Variants in GPR89A observed in about 807,000 individuals in gnomAD.
GPR89A encodes the protein golgi pH regulator A, also known as G protein-coupled receptor 89A.
GPR89A carries 16 observed loss-of-function variants against 52.0 expected under a neutral mutation model. The ratio of observed to expected loss-of-function variants is 0.31; its 90% CI spans 0.21 to 0.47. The LOEUF is 0.47. Ranked by LOEUF, GPR89A falls within the 20% of genes least tolerant of loss-of-function variation. GPR89A has a pLI of 1.00. For synonymous variants in GPR89A, 55 were observed against 150.9 expected (o/e 0.36, Z 4.66); for missense variants, 135 against 449.4 (o/e 0.30, Z 6.33).
intron 1 of GPR89A, among the ~76,000 whole-genome samples, chr1:145,609,908 T>C (rs1648130748): frequency 6.6e-6 from 1 of 152,206 alleles, no homozygotes; most frequent in South Asian, 2.1e-4. Flanking sequence ...AAATGTCGCT[T>C]TAGGAAGGTC....
At chr1:145,665,428 C>A in intron 11 of GPR89A, 134 bp from the exon 12 acceptor site, 1 of 1,090,818 alleles carries the variant, frequency 9.2e-7, no homozygotes, top group Non-Finnish European at 1.4e-6. Context: ...TTTCCTCTCT[C>A]CCTTAAGAAA....
intron 10 of GPR89A, among the ~76,000 whole-genome samples, chr1:145,662,573 G>C (rs1553695746): frequency 6.6e-6 from 1 of 151,700 alleles, no homozygotes; most frequent in Non-Finnish European, 1.5e-5. Context: ...GACATGTTTA[G>C]ACCAAGGATC....
intron 10 of GPR89A, among the ~76,000 whole-genome samples, chr1:145,654,666 A>G (rs1553694223): frequency 1.3e-5 from 2 of 150,878 alleles, no homozygotes; most frequent in Non-Finnish European, 2.9e-5. Context: ...TTTGTAGGTG[A>G]CCTGTCCTTT....
chr1:145,663,274 T>TTG, intron 10 of GPR89A, 55 bp from the exon 11 acceptor site: 1 of 1,608,332 alleles, frequency 6.2e-7, no homozygotes, highest in South Asian at 1.1e-5. Flanking sequence ...AGTCACTTTT[T>TTG]GAAATAGTAA....
chr1:145,611,311 ATAAT>A (rs1160359828), intron 1 of GPR89A, among the ~76,000 whole-genome samples: 3 of 151,858 alleles, frequency 2.0e-5, no homozygotes, highest in African/African-American at 7.3e-5. Flanking sequence ...ATAGTACTCA[ATAAT>A]TAGTTTTTCA....
chr1:145,614,298 C>T (rs1274255832), intron 1 of GPR89A, among the ~76,000 whole-genome samples: 2 of 152,088 alleles, frequency 1.3e-5, no homozygotes, highest in Admixed American at 1.3e-4. Context: ...TTGGTTTGGT[C>T]TCCCTCTTTC....
intron 3 of GPR89A, among the ~76,000 whole-genome samples, chr1:145,619,725 C>A (rs1648987410): frequency 6.6e-6 from 1 of 151,490 alleles, no homozygotes; most frequent in African/African-American, 2.4e-5. Context: ...CTTTAATAAT[C>A]CAAACCTTGG....
At chr1:145,644,875 G>A (rs1650877148) in intron 8 of GPR89A, 1 of 151,240 alleles carries the variant, frequency 6.6e-6, no homozygotes, top group South Asian at 2.1e-4. Context: ...GTGCTATTAG[G>A]TCAAAACTTT....
At chr1:145,643,303 T>C (rs1650782380) in intron 7 of GPR89A, among the ~76,000 whole-genome samples, 1 of 151,028 alleles carries the variant, frequency 6.6e-6, no homozygotes, top group African/African-American at 2.4e-5. Context: ...GTAGCTGGGA[T>C]TACAGACATG....
chr1:145,669,696 T>C lies in GPR89A; in HGVS notation c.1161+6T>C. 6.2e-7 allele frequency: 1 copy of C among 1,611,538 alleles called. No individual in the cohort carries two copies. The highest frequency in any genetic ancestry group is 8.5e-7 in the Non-Finnish European group (1 of 1,179,596). ...TGCTATTAGCACAGATAATGGTAAG[T>C]TTAATTAGTTACCTTTATGTTTACA... On this transcript the variant is annotated splice_donor_region_variant and intron_variant, in intron 13 of 13. Transcript: ENST00000313835.
intron 10 of GPR89A, among the ~76,000 whole-genome samples, chr1:145,654,838 A>C (rs1336055935): frequency 7.2e-5 from 11 of 152,080 alleles, no homozygotes; most frequent in Non-Finnish European, 1.3e-4. Context: ...TCTGGCCTGT[A>C]TTGCTAGGTT....
Position 145,608,156 on chromosome 1 carries a change from G to A in GPR89A, c.23G>A (p.Ser8Asn). ...GCCATGAGTTTCCTCATCGACTCCA[G>A]CATCATGATTACCTCCCAGGTGAGT... MSFLIDSSIMITSQILFF... is the reference protein window; with the variant it reads MSFLIDSNIMITSQILFF... The change falls in exon 1 of 14, where the codon AGC becomes AAC. Residue 8 changes from serine (S) to asparagine (N), a missense_variant. Coordinates refer to ENST00000313835, the MANE Select transcript of GPR89A (RefSeq NM_001097612.2). The A allele has an allele frequency of 1.2e-6, 2 of 1,613,734 alleles. No individual in the cohort carries two copies. Among genetic ancestry groups the A allele is most frequent in the South Asian group, 2.2e-5 (2 of 91,078 alleles).
At chr1:145,632,405 T>C (rs1420738668) in intron 7 of GPR89A, among the ~76,000 whole-genome samples, 4 of 151,960 alleles carry the variant, frequency 2.6e-5, no homozygotes, top group Non-Finnish European at 4.4e-5. Context: ...TCTCCATTCC[T>C]CCCACCCATC....
rs782195163 is a variant in GPR89A, at chr1:145,670,607, G to A, written c.*567G>A. ...GAAAGAGGTTATCTGTTCTTTTCCG[G>A]GAAAGGGGTGGTATGCACCTGAAAT... On this transcript the variant is annotated 3_prime_UTR_variant, in exon 14 of 14. Coordinates refer to ENST00000313835, the MANE Select transcript of GPR89A (RefSeq NM_001097612.2). 33 of 177,756 alleles carry A rather than the reference G, an allele frequency of 1.9e-4. No individual in the cohort carries two copies. The highest frequency in any genetic ancestry group is 3.6e-4 in the Non-Finnish European group (30 of 82,778). The allele number at this position is 177,756 out of a possible 1,614,324, so 11.0% of individuals were successfully genotyped here.
chr1:145,626,472 C>G (rs1398692244), intron 5 of GPR89A, among the ~76,000 whole-genome samples: 2 of 151,960 alleles, frequency 1.3e-5, no homozygotes, highest in Admixed American at 1.3e-4. Context: ...CCATTGTACT[C>G]CAATAGGCAT....
chr1:145,669,672 G>T lies in GPR89A; in HGVS notation c.1143G>T (p.Leu381=), dbSNP rs374858850. 1.9e-6 allele frequency: 3 copies of T among 1,611,296 alleles called. No individual in the cohort carries two copies. The African/African-American group carries it at 4.0e-5, about 22-fold the overall frequency. ...GTAAGTCCTCCAATGTCATTGTCCT[G>T]CTATTAGCACAGATAATGGTAAGTT... The part of the protein sequence containing the change: ...SSSKSSNVIV[L]LLAQIMGMYF... The change falls in exon 13 of 14, where the codon CTG becomes CTT. Residue 381 remains leucine, a synonymous_variant. Transcript: ENST00000313835.
At chr1:145,609,203 A>G in intron 1 of GPR89A, among the ~76,000 whole-genome samples, 1 of 152,150 alleles carries the variant, frequency 6.6e-6, no homozygotes, top group South Asian at 2.1e-4. Flanking sequence ...AGAAGCAGTT[A>G]CCTTTGGGGG....
chr1:145,610,131 T>A (rs759974929), intron 1 of GPR89A, among the ~76,000 whole-genome samples: 3 of 152,034 alleles, frequency 2.0e-5, no homozygotes, highest in Non-Finnish European at 2.9e-5. Flanking sequence ...ATAGTAGAGT[T>A]GTAGTGAATA....
At chr1:145,652,296 G>A (rs1651499466) in intron 10 of GPR89A, among the ~76,000 whole-genome samples, 2 of 152,110 alleles carry the variant, frequency 1.3e-5, no homozygotes, top group African/African-American at 2.4e-5. Flanking sequence ...GATGGATTAC[G>A]TTTACTGATT....
Sources: gnomAD v4.1 joint callset for allele counts (sites outside exome capture counted in the v4.1 genomes callset) on GRCh38, gnomAD v4.1.1 for gene constraint, MANE v1.5 for transcripts, NCBI Gene and HGNC (gene_info 2026-07-23, HGNC 2026-07-21) for gene names.